Variants in TUBE1 observed in about 807,000 individuals in gnomAD.
The protein encoded by TUBE1 is tubulin epsilon 1, also known as tubulin epsilon chain.
In TUBE1, 34 loss-of-function variants were observed where a neutral mutation model predicts 53.5. The observed-to-expected ratio is 0.64, with a 90% CI of 0.48 to 0.85. The LOEUF (loss-of-function observed/expected upper bound fraction) is 0.85, where lower values mean the gene tolerates loss of function less well. Ranked by LOEUF, TUBE1 falls within the 40% of genes least tolerant of loss-of-function variation. TUBE1 has a pLI of 0.00. For synonymous variants in TUBE1, 177 were observed against 198.4 expected (o/e 0.89, Z 0.91); for missense variants, 532 against 570.5 (o/e 0.93, Z 0.69).
intron 6 of TUBE1, 190 bp downstream of exon 6, chr6:112,079,443 A>C (rs1327700997): frequency 2.2e-6 from 1 of 445,820 alleles, no homozygotes; most frequent in Non-Finnish European, 3.8e-6. Flanking sequence ...AAAAGAAAAG[A>C]AAAGAAAATA....
chr6:112,072,083 T>C lies in TUBE1; in HGVS notation c.1095-7A>G, dbSNP rs781967693. On this transcript the variant is annotated splice_polypyrimidine_tract_variant and splice_region_variant and intron_variant, in intron 10 of 11. Coordinates refer to ENST00000368662, the MANE Select transcript of TUBE1 (RefSeq NM_016262.5). ...TTGTAGAGATGGTTTTAATCTGAGA[T>C]TAAAAAAAAAAATCTCAGAAGGTGA... 1.3e-6 allele frequency: 2 copies of C among 1,565,848 alleles called. No individual in the cohort carries two copies. The highest frequency in any genetic ancestry group is 1.8e-4 in the Middle Eastern group (1 of 5,608).
intron 4 of TUBE1, among the ~76,000 whole-genome samples, chr6:112,081,491 A>T (rs1777069941): frequency 6.6e-6 from 1 of 152,122 alleles, no homozygotes; most frequent in African/African-American, 2.4e-5. Context: ...ATTTCTAACA[A>T]GGTCTCAGAA....
Position 112,076,050 on chromosome 6 carries a change from A to G in TUBE1, c.699T>C (p.Thr233=), listed in dbSNP as rs1776960611. 2 of 1,613,774 alleles carry G rather than the reference A, an allele frequency of 1.2e-6. No homozygotes were observed. The highest frequency in any genetic ancestry group is 1.7e-6 in the Non-Finnish European group (2 of 1,179,908). Residue 233 remains threonine, a synonymous_variant, in exon 8 of 12, where the codon ACT becomes ACC. Coordinates refer to ENST00000368662, the MANE Select transcript of TUBE1 (RefSeq NM_016262.5). The part of the protein sequence containing the change: ...LMVNSGKLGT[T]VKPKSLVTSS... ...AAGTAACCAGACTCTTTGGCTTCAC[A>G]GTTGTACCCAACTTTCCAGAATTCA... is the stretch of plus-strand genomic sequence containing the variant.
intron 8 of TUBE1, 139 bp from the exon 9 acceptor site, chr6:112,074,989 A>T: frequency 2.4e-6 from 1 of 422,514 alleles, no homozygotes; most frequent in African/African-American, 2.1e-5. Context: ...CTTTTCTTCC[A>T]TATTAGTGAA....
rs66773667 is a variant in TUBE1 at position 112,081,799 on chromosome 6, G to GA, written c.211-593dup. Among the ~76,000 whole-genome samples, 683 of 105,382 alleles carry GA rather than the reference G, an allele frequency of 6.5e-3. 4 individuals carry two copies. Among genetic ancestry groups the GA allele is most frequent in the South Asian group, 0.023 (85 of 3,684 alleles). 69.1% of individuals were successfully genotyped at this position (105,382 alleles called of 152,430 possible). On this transcript the variant is annotated intron_variant, in intron 4 of 11. Transcript: ENST00000368662. ...AATATAAAACACAAAATTAATTATG[G>GA]AAAAAAAAAAAACAGAAAAAAAAAA...
At chr6:112,072,167 A>G (rs1776879799) in intron 10 of TUBE1, 91 bp from the exon 11 acceptor site, 1 of 924,562 alleles carries the variant, frequency 1.1e-6, no homozygotes, top group African/African-American at 1.7e-5. Flanking sequence ...TTAAACCAGA[A>G]CATTATGGAT....
At chr6:112,079,459 A>AT (rs1320971866) in intron 6 of TUBE1, 174 bp downstream of exon 6, 35 of 496,294 alleles carry the variant, frequency 7.1e-5, no homozygotes, top group Non-Finnish European at 1.7e-5. Flanking sequence ...AAATAGTGAC[A>AT]TAATTCCACA....
intron 4 of TUBE1, among the ~76,000 whole-genome samples, chr6:112,082,975 C>T (rs879964292): frequency 6.6e-6 from 1 of 152,034 alleles, no homozygotes; most frequent in Admixed American, 6.6e-5. Flanking sequence ...TACAAAAACA[C>T]GCTGATTTAT....
At position 112,086,587 on chromosome 6, in the gene TUBE1, T is replaced by C. The variant is rs782513560; in HGVS notation, c.121A>G (p.Ile41Val). ...VNQKGIYDEAISSFFRNVDTR... is the reference protein window; with the variant it reads ...VNQKGIYDEAVSSFFRNVDTR... Reference sequence around the variant, plus strand: ...TCCACATTTCTAAAGAAGCTGCTTATTGCCTCATCATAAATTCCTTTCTAA... The same window carrying C: ...TCCACATTTCTAAAGAAGCTGCTTACTGCCTCATCATAAATTCCTTTCTAA... Residue 41 changes from isoleucine to valine, a missense_variant, in exon 3 of 12, where the codon ATA becomes GTA. Coordinates refer to ENST00000368662, the MANE Select transcript of TUBE1 (RefSeq NM_016262.5). 1.9e-6 allele frequency: 3 copies of C among 1,612,746 alleles called. No individual in the cohort carries two copies. The highest frequency in any genetic ancestry group is 2.5e-6 in the Non-Finnish European group (3 of 1,179,068).
At chr6:112,075,746 T>C (rs1776953988) in intron 8 of TUBE1, 191 bp downstream of exon 8, 2 of 505,642 alleles carry the variant, frequency 4.0e-6, no homozygotes, top group South Asian at 7.0e-5. Context: ...CCATGGAACA[T>C]ACTTGGGGAA....
rs144306994 is a variant in TUBE1, at chr6:112,072,845, G to A, written c.1007C>T (p.Ala336Val). The A allele has an allele frequency of 5.6e-6, 9 of 1,613,488 alleles. No homozygotes were observed. The African/African-American group carries it at 1.2e-4, about 22-fold the overall frequency. Reference sequence around the variant, plus strand: ...GAGGTAAAGACTGTGTTTGGGGTCTGCCCGAAGCAGCTGGTGATCTTTACT... The same window carrying A: ...GAGGTAAAGACTGTGTTTGGGGTCTACCCGAAGCAGCTGGTGATCTTTACT... ...AFSKDHQLLR[A>V]DPKHSLYLAC... Residue 336 changes from alanine to valine, a missense_variant, in exon 10 of 12, where the codon GCA (alanine) becomes GTA (valine). Physicochemically the swap from Ala to Val is moderately conservative, Grantham distance 64. Transcript: ENST00000368662.
intron 4 of TUBE1, 21 bp from the exon 5 acceptor site, chr6:112,081,228 A>ACAT: frequency 7.5e-7 from 1 of 1,338,730 alleles, no homozygotes; most frequent in Non-Finnish European, 1.1e-6. Context: ...AAAATAAAAT[A>ACAT]TAATTAATGT....
rs782402382 is a variant in TUBE1 at position 112,076,450 on chromosome 6, C to T, written c.508G>A (p.Val170Ile). The change falls in exon 7 of 12, where the codon GTA (valine) becomes ATA (isoleucine). Residue 170 changes from valine (V) to isoleucine (I), a missense_variant. Transcript: ENST00000368662. ...LKVLEDEFPE[V>I]YRFVTSIYPS... Reference sequence around the variant, plus strand: ...TAAATGGAAGTCACAAATCTGTATACTTCTGGGAATTCGTCTTCAAGCACC... The same window carrying T: ...TAAATGGAAGTCACAAATCTGTATATTTCTGGGAATTCGTCTTCAAGCACC... 1.2e-6 allele frequency: 2 copies of T among 1,613,310 alleles called. No individual in the cohort carries two copies. Among genetic ancestry groups the T allele is most frequent in the Middle Eastern group, 1.6e-4 (1 of 6,076 alleles).
chr6:112,086,626 T>C lies in TUBE1; in HGVS notation c.100-18A>G, dbSNP rs1201378948. The C allele has an allele frequency of 2.0e-5, 32 of 1,564,130 alleles. No individual in the cohort carries two copies. Among genetic ancestry groups the C allele is most frequent in the Non-Finnish European group, 2.6e-5 (30 of 1,136,558 alleles). ...ATTCCTTTCTAAAAAGAAAAACATA[T>C]GTTAATAGCATTTAGGTTTTGCTTC... On this transcript the variant is annotated intron_variant, in intron 2 of 11. Coordinates refer to ENST00000368662, the MANE Select transcript of TUBE1 (RefSeq NM_016262.5).
In TUBE1 at chr6:112,071,467, T is replaced by C. The variant is rs781994040; in HGVS notation, c.1373A>G (p.Asp458Gly). Reference protein sequence around the residue: ...SALIQEYDQLDATKNMPVQDL... With the variant: ...SALIQEYDQLGATKNMPVQDL... ...CTGCACAGGCATGTTTTTTGTGGCG[T>C]CCAGTTGGTCATATTCCTGTATGAG... Residue 458 changes from aspartate to glycine, a missense_variant, in exon 12 of 12, where the codon GAC becomes GGC. Asp to Gly is a moderately conservative substitution (Grantham distance 94, BLOSUM62 -1). Transcript: ENST00000368662. 1 of 1,610,688 alleles carries C rather than the reference T, an allele frequency of 6.2e-7. No homozygotes were observed. The highest frequency in any genetic ancestry group is 8.5e-7 in the Non-Finnish European group (1 of 1,177,826).
At chr6:112,085,947 C>G (rs918619552) in intron 3 of TUBE1, among the ~76,000 whole-genome samples, 6 of 152,164 alleles carry the variant, frequency 3.9e-5, no homozygotes, top group African/African-American at 1.4e-4. Context: ...CACACCCAGC[C>G]AACTATTTTA....
intron 8 of TUBE1, 28 bp from the exon 9 acceptor site, chr6:112,074,878 A>C (rs2114480558): frequency 6.7e-7 from 1 of 1,499,994 alleles, no homozygotes; most frequent in East Asian, 2.5e-5. Context: ...AAATGAGAAA[A>C]TTTTTAATTT....
chr6:112,074,625 A>T, intron 9 of TUBE1, 85 bp downstream of exon 9: 1 of 1,000,712 alleles, frequency 1.0e-6, no homozygotes, highest in Non-Finnish European at 1.4e-6. Context: ...TTAAATAACT[A>T]GAGTTATTGC....
In TUBE1 at chr6:112,087,316, G is replaced by C. The variant is rs1554317528; in HGVS notation, c.26-10C>G. ...TTTCCGCACTGGCCGACTGCGACCG[G>C]AGGAGAGGAAGGAAAGAGAATAGGA... On this transcript the variant is annotated splice_polypyrimidine_tract_variant and intron_variant, in intron 1 of 11. Coordinates refer to ENST00000368662, the MANE Select transcript of TUBE1 (RefSeq NM_016262.5). 5 of 1,552,156 alleles carry C rather than the reference G, an allele frequency of 3.2e-6. No individual in the cohort carries two copies. Among genetic ancestry groups the C allele is most frequent in the African/African-American group, 1.4e-5 (1 of 73,084 alleles).
Sources: gnomAD v4.1 joint callset for allele counts (sites outside exome capture counted in the v4.1 genomes callset) on GRCh38, gnomAD v4.1.1 for gene constraint, MANE v1.5 for transcripts, NCBI Gene and HGNC (gene_info 2026-07-23, HGNC 2026-07-21) for gene names.